EYA2: variants seen among roughly 807,000 people sequenced by gnomAD.
The protein encoded by EYA2 is protein phosphatase EYA2.
In EYA2, 31 loss-of-function variants were observed where a neutral mutation model predicts 69.2. The observed-to-expected ratio is 0.45, with a 90% CI of 0.34 to 0.60. The LOEUF (loss-of-function observed/expected upper bound fraction) is 0.60, where lower values mean the gene tolerates loss of function less well. Ranked by LOEUF, EYA2 falls within the 20% of genes least tolerant of loss-of-function variation. The probability of loss-of-function intolerance (pLI) is 0.02; values close to 1 mark genes in which losing one functional copy is unlikely to be tolerated. For synonymous variants in EYA2, 257 were observed against 279.4 expected (o/e 0.92, Z 0.80); for missense variants, 622 against 701.2 (o/e 0.89, Z 1.28).
At chr20:47,020,396 GGA>G (rs1568728357) in intron 5 of EYA2, among the ~76,000 whole-genome samples, 3 of 152,136 alleles carry the variant, frequency 2.0e-5, no homozygotes, top group Admixed American at 6.6e-5. Context: ...GCCCCTCCAT[GGA>G]ATATACAATA....
chr20:47,017,524 AT>A (rs1333053318), intron 5 of EYA2, among the ~76,000 whole-genome samples: 1 of 152,212 alleles, frequency 6.6e-6, no homozygotes, highest in African/African-American at 2.4e-5. Flanking sequence ...AATAAAAATG[AT>A]TGTCAAGGGC....
Position 46,987,916 on chromosome 20 carries a change from G to GACTCTCTCTCCCTCTCTCTCTCTCTCTC in EYA2, c.-10-2085_-10-2084insACTCTCTCTCCCTCTCTCTCTCTCTCTC, listed in dbSNP as rs56288405. Among the ~76,000 whole-genome samples, 15 of 20,376 alleles carry GACTCTCTCTCCCTCTCTCTCTCTCTCTC rather than the reference G, an allele frequency of 7.4e-4. 2 individuals carry two copies. The highest frequency in any genetic ancestry group is 8.6e-4 in the Non-Finnish European group (9 of 10,418). 13.4% of individuals were successfully genotyped at this position (20,376 alleles called of 152,430 possible). The stretch of plus-strand genomic sequence containing the variant: ...TACTCCAGCCTGGAAGACAGAGTAA[G>GACTCTCTCTCCCTCTCTCTCTCTCTCTC]TCTCTCTCTCTCTCTCTCTCTCTCT... On this transcript the variant is annotated intron_variant, in intron 1 of 15. Transcript: ENST00000327619.
intron 1 of EYA2, among the ~76,000 whole-genome samples, chr20:46,935,943 T>A (rs910029026): frequency 1.3e-5 from 2 of 152,102 alleles, no homozygotes; most frequent in Non-Finnish European, 2.9e-5. Flanking sequence ...TACTCCAAAA[T>A]CTGAAACTTT....
rs1981546133 is a variant in EYA2 at position 46,989,985 on chromosome 20, CT to C, written c.-10-13del. The C allele has an allele frequency of 8.1e-7, 1 of 1,238,912 alleles. No individual in the cohort carries two copies. 76.7% of individuals were successfully genotyped at this position (1,238,912 alleles called of 1,614,324 possible). ...TAATTAATGAATAAATTATATTTCC[CT>C]TTGTTTTCTTTCAGGTACAAGGAAA... On this transcript the variant is annotated splice_polypyrimidine_tract_variant and intron_variant, in intron 1 of 15. Coordinates refer to ENST00000327619, the MANE Select transcript of EYA2 (RefSeq NM_005244.5).
intron 1 of EYA2, among the ~76,000 whole-genome samples, chr20:46,911,410 G>A (rs1263887451): frequency 1.3e-5 from 2 of 152,198 alleles, no homozygotes; most frequent in Admixed American, 6.5e-5. Context: ...TCTTCTGCAT[G>A]GCACCCGGGC....
chr20:47,062,068 C>T (rs1032004800), intron 5 of EYA2, among the ~76,000 whole-genome samples: 14 of 152,202 alleles, frequency 9.2e-5, no homozygotes, highest in African/African-American at 2.9e-4. Flanking sequence ...CGTCTCAAAA[C>T]ATCACCCTGA....
intron 1 of EYA2, among the ~76,000 whole-genome samples, chr20:46,930,638 A>G (rs1985628015): frequency 1.3e-5 from 2 of 152,204 alleles, no homozygotes; most frequent in South Asian, 4.1e-4. Flanking sequence ...TTGATCAAAC[A>G]TCTTGAGGAA....
At chr20:47,088,892 T>A (rs1293751780) in intron 7 of EYA2, among the ~76,000 whole-genome samples, 1 of 152,232 alleles carries the variant, frequency 6.6e-6, no homozygotes, top group Non-Finnish European at 1.5e-5. Context: ...TTGTTAATTC[T>A]CTGTGGCACA....
chr20:47,108,192 C>A (rs2032645401), intron 9 of EYA2, among the ~76,000 whole-genome samples: 2 of 152,190 alleles, frequency 1.3e-5, no homozygotes, highest in South Asian at 4.1e-4. Flanking sequence ...GAAGGTGGGG[C>A]CTAAAGGGAG....
intron 5 of EYA2, among the ~76,000 whole-genome samples, chr20:47,035,355 A>G (rs1473929156): frequency 1.3e-5 from 2 of 152,180 alleles, no homozygotes; most frequent in Non-Finnish European, 2.9e-5. Context: ...TCCCTCTTTA[A>G]GTATAAATAG....
intron 9 of EYA2, among the ~76,000 whole-genome samples, chr20:47,111,627 CTG>C (rs1297347311): frequency 6.6e-6 from 1 of 152,190 alleles, no homozygotes; most frequent in Non-Finnish European, 1.5e-5. Flanking sequence ...AACTGGCACA[CTG>C]TGAAAAGTGG....
At chr20:46,938,793 G>A (rs1986027134) in intron 1 of EYA2, among the ~76,000 whole-genome samples, 1 of 151,940 alleles carries the variant, frequency 6.6e-6, no homozygotes, top group Non-Finnish European at 1.5e-5. Context: ...TGTGTGGGAG[G>A]GGACTACACG....
At chr20:46,926,415 A>G (rs1034987190) in intron 1 of EYA2, among the ~76,000 whole-genome samples, 1 of 152,220 alleles carries the variant, frequency 6.6e-6, no homozygotes, top group Non-Finnish European at 1.5e-5. Context: ...AACTAATGGT[A>G]TCAATCACAG....
chr20:46,950,283 C>T (rs755730772), intron 1 of EYA2, among the ~76,000 whole-genome samples: 10 of 152,166 alleles, frequency 6.6e-5, no homozygotes, highest in Admixed American at 5.2e-4. Flanking sequence ...GACCTTGCAG[C>T]GATGTTCCCC....
intron 10 of EYA2, among the ~76,000 whole-genome samples, chr20:47,166,561 C>G (rs2034200321): frequency 6.6e-6 from 1 of 152,006 alleles, no homozygotes; most frequent in East Asian, 1.9e-4. Context: ...TAGTCAAGCT[C>G]AGAGTCCCAC....
At chr20:46,933,745 C>G (rs1985775048) in intron 1 of EYA2, among the ~76,000 whole-genome samples, 1 of 152,200 alleles carries the variant, frequency 6.6e-6, no homozygotes, top group African/African-American at 2.4e-5. Flanking sequence ...ATCCTAGGGC[C>G]TTCCGTCAAG....
chr20:47,069,271 A>C (rs1481225286), intron 5 of EYA2, among the ~76,000 whole-genome samples: 1 of 152,204 alleles, frequency 6.6e-6, no homozygotes, highest in Non-Finnish European at 1.5e-5. Flanking sequence ...AGGCAGGTGG[A>C]TCACCTGAGG....
At chr20:47,042,906 C>A (rs576359967) in intron 5 of EYA2, among the ~76,000 whole-genome samples, 4 of 152,284 alleles carry the variant, frequency 2.6e-5, no homozygotes, top group African/African-American at 9.6e-5. Context: ...TGTTATATGG[C>A]CACTCTTGGC....
At chr20:47,161,585 G>A in intron 10 of EYA2, 1 of 314,336 alleles carries the variant, frequency 3.2e-6, no homozygotes, top group Non-Finnish European at 6.2e-6. Flanking sequence ...GAGCTCCTCG[G>A]CCTTGGCCCG....
Sources: gnomAD v4.1 joint callset for allele counts (sites outside exome capture counted in the v4.1 genomes callset) on GRCh38, gnomAD v4.1.1 for gene constraint, MANE v1.5 for transcripts, NCBI Gene and HGNC (gene_info 2026-07-23, HGNC 2026-07-21) for gene names.